KDM5B: variants seen among roughly 807,000 people sequenced by gnomAD.
The protein encoded by KDM5B is lysine demethylase 5B.
In KDM5B, 144 loss-of-function variants were observed where a neutral mutation model predicts 193.4. That is an observed-to-expected ratio of 0.74 (90% confidence interval 0.65 to 0.86). KDM5B has a LOEUF of 0.86. Among genes scored for constraint, KDM5B ranks in the 40% least tolerant of loss-of-function variants. The pLI, the probability that KDM5B is intolerant of heterozygous loss-of-function variation, is 0.00. For synonymous variants in KDM5B, 668 were observed against 682.6 expected (o/e 0.98, Z 0.33); for missense variants, 1,833 against 1,886.9 (o/e 0.97, Z 0.53).
intron 22 of KDM5B, among the ~76,000 whole-genome samples, chr1:202,734,354 A>T (rs79846094): frequency 1.9e-4 from 4 of 20,800 alleles, no homozygotes; most frequent in Non-Finnish European, 9.4e-4. Flanking sequence ...GGGTATATTA[A>T]AAAAAAAAAA....
At chr1:202,790,795 T>C (rs763774777) in intron 1 of KDM5B, among the ~76,000 whole-genome samples, 7 of 152,088 alleles carry the variant, frequency 4.6e-5, no homozygotes, top group Non-Finnish European at 8.8e-5. Context: ...AGGCCCCTTT[T>C]GCCCTTCCAC....
intron 13 of KDM5B, among the ~76,000 whole-genome samples, chr1:202,749,429 C>T (rs1431071064): frequency 2.6e-5 from 4 of 152,168 alleles, no homozygotes; most frequent in South Asian, 2.1e-4. Flanking sequence ...TGGCGGTGCA[C>T]GCCTGTAGTC....
intron 7 of KDM5B, among the ~76,000 whole-genome samples, chr1:202,761,027 A>G (rs1404179327): frequency 3.6e-5 from 5 of 139,592 alleles, no homozygotes; most frequent in South Asian, 2.2e-4. Context: ...CTGTCTCAGG[A>G]GAAAAAAAAA....
At chr1:202,754,509 C>G (rs1353125819) in intron 11 of KDM5B, among the ~76,000 whole-genome samples, 1 of 152,106 alleles carries the variant, frequency 6.6e-6, no homozygotes, top group Non-Finnish European at 1.5e-5. Flanking sequence ...CATAGTGATA[C>G]CTGAATTCAA....
intron 20 of KDM5B, among the ~76,000 whole-genome samples, chr1:202,738,609 C>T (rs1655183750): frequency 6.6e-6 from 1 of 152,204 alleles, no homozygotes; most frequent in Non-Finnish European, 1.5e-5. Context: ...ATTAACACCA[C>T]TTAAAATTAC....
At chr1:202,773,454 T>A (rs1474494426) in intron 3 of KDM5B, among the ~76,000 whole-genome samples, 166 bp from the exon 4 acceptor site, 3 of 152,152 alleles carry the variant, frequency 2.0e-5, no homozygotes, top group Non-Finnish European at 4.4e-5. Context: ...CACACACTAT[T>A]AATTTTAAGT....
In KDM5B at chr1:202,742,659, T is replaced by A; in HGVS notation, c.2470A>T (p.Thr824Ser). Residue 824 changes from threonine to serine, a missense_variant, in exon 17 of 27, where the codon ACT (threonine) becomes TCT (serine). Thr to Ser is a moderately conservative substitution (Grantham distance 58). Coordinates refer to ENST00000367265, the MANE Select transcript of KDM5B (RefSeq NM_006618.5). The part of the protein sequence containing the change: ...AQQLLNGKRQ[T>S]RYRSGGGKSQ... ...CACGCAGTCAGAAGCGCATACCTAG[T>A]TTGCCTTTTGCCATTAAGCAACTGC... The A allele has an allele frequency of 6.2e-7, 1 of 1,614,006 alleles. No homozygotes were observed. Among genetic ancestry groups the A allele is most frequent in the Non-Finnish European group, 8.5e-7 (1 of 1,179,932 alleles).
At chr1:202,770,983 C>CT (rs1656688570) in intron 4 of KDM5B, among the ~76,000 whole-genome samples, 2 of 152,126 alleles carry the variant, frequency 1.3e-5, no homozygotes, top group African/African-American at 2.4e-5. Context: ...TACTTAAGTG[C>CT]TTTTTAACCA....
intron 20 of KDM5B, among the ~76,000 whole-genome samples, chr1:202,738,908 A>C (rs964410684): frequency 1.4e-4 from 21 of 152,338 alleles, no homozygotes; most frequent in African/African-American, 4.8e-4. Context: ...CAATAAGTAT[A>C]ACATCTAGCA....
At chr1:202,749,813 T>C (rs944785942) in intron 13 of KDM5B, among the ~76,000 whole-genome samples, 12 of 152,184 alleles carry the variant, frequency 7.9e-5, no homozygotes, top group African/African-American at 2.9e-4. Flanking sequence ...AATAATACTC[T>C]GAAAAACTAC....
intron 20 of KDM5B, among the ~76,000 whole-genome samples, chr1:202,738,650 A>C (rs967724702): frequency 1.3e-5 from 2 of 152,112 alleles, no homozygotes; most frequent in African/African-American, 4.8e-5. Context: ...ATCGTATTTT[A>C]TTTCTAGAAT....
chr1:202,805,019 C>A (rs922683678), intron 1 of KDM5B, among the ~76,000 whole-genome samples: 6 of 152,056 alleles, frequency 3.9e-5, no homozygotes, highest in African/African-American at 1.4e-4. Flanking sequence ...TATTTTTCTG[C>A]CTAATAGTTA....
chr1:202,787,463 A>T (rs1657456214), intron 1 of KDM5B, among the ~76,000 whole-genome samples: 1 of 152,244 alleles, frequency 6.6e-6, no homozygotes. Context: ...AACATTTTAA[A>T]AATGAGTTAA....
chr1:202,777,417 C>A (rs1159193898), intron 1 of KDM5B, among the ~76,000 whole-genome samples: 1 of 149,082 alleles, frequency 6.7e-6, no homozygotes, highest in East Asian at 2.0e-4. Flanking sequence ...TTACCATAGA[C>A]ATACCTCATT....
chr1:202,757,329 T>G (rs190071639), intron 9 of KDM5B, among the ~76,000 whole-genome samples: 97 of 152,246 alleles, frequency 6.4e-4, no homozygotes, highest in South Asian at 2.3e-3. Flanking sequence ...GTTGGGGACT[T>G]CCAGTATATA....
At chr1:202,799,713 C>T (rs527262133) in intron 1 of KDM5B, among the ~76,000 whole-genome samples, 1 of 151,244 alleles carries the variant, frequency 6.6e-6, no homozygotes, top group African/African-American at 2.4e-5. Flanking sequence ...TAAAAATATA[C>T]ATACACACAG....
chr1:202,800,331 C>T (rs878893201), intron 1 of KDM5B, among the ~76,000 whole-genome samples: 2 of 151,094 alleles, frequency 1.3e-5, no homozygotes, highest in Non-Finnish European at 2.9e-5. Flanking sequence ...TGTGAGCCAC[C>T]GCACCCAGCC....
At chr1:202,794,503 C>T (rs1657760672) in intron 1 of KDM5B, among the ~76,000 whole-genome samples, 1 of 152,218 alleles carries the variant, frequency 6.6e-6, no homozygotes, top group African/African-American at 2.4e-5. Flanking sequence ...CAAAAATTAA[C>T]TCAAGAATGC....
chr1:202,757,378 T>C (rs1656065765), intron 9 of KDM5B, among the ~76,000 whole-genome samples: 1 of 152,176 alleles, frequency 6.6e-6, no homozygotes, highest in African/African-American at 2.4e-5. Context: ...AGCACGCCCT[T>C]AGAATAAAGA....
Sources: allele counts gnomAD v4.1 joint callset (sites outside exome capture counted in the v4.1 genomes callset), GRCh38; gene constraint gnomAD v4.1.1; transcripts MANE v1.5; gene names NCBI Gene and HGNC (gene_info 2026-07-23, HGNC 2026-07-21).